Variants in LARP4B observed in about 807,000 individuals in gnomAD.
LARP4B encodes the protein la-related protein 4B.
Under a neutral mutation model 89.8 loss-of-function variants are expected in LARP4B, and 12 were observed. The ratio of observed to expected loss-of-function variants is 0.13; its 90% confidence interval spans 0.09 to 0.22. The LOEUF (loss-of-function observed/expected upper bound fraction) is 0.22. LARP4B is among the 10% of genes least tolerant of loss of function. The probability of loss-of-function intolerance (pLI) is 1.00; values close to 1 mark genes in which losing one functional copy is unlikely to be tolerated. For synonymous variants in LARP4B, 367 were observed against 363.3 expected (o/e 1.01, Z -0.12); for missense variants, 757 against 947.7 (o/e 0.80, Z 2.64).
At chr10:893,149 T>G (rs959426916) in intron 1 of LARP4B, among the ~76,000 whole-genome samples, 1 of 148,680 alleles carries the variant, frequency 6.7e-6, no homozygotes, top group African/African-American at 2.5e-5. Flanking sequence ...CCTGACCTCA[T>G]GTGATCCACC....
intron 3 of LARP4B, among the ~76,000 whole-genome samples, chr10:864,505 A>G (rs1421230020): frequency 2.0e-5 from 3 of 151,992 alleles, no homozygotes; most frequent in Admixed American, 6.6e-5. Context: ...AGGCTTGCAG[A>G]GATGGGGAAG....
intron 7 of LARP4B, among the ~76,000 whole-genome samples, chr10:839,002 A>C (rs1833377992): frequency 6.6e-6 from 1 of 152,246 alleles, no homozygotes; most frequent in Non-Finnish European, 1.5e-5. Flanking sequence ...AAGTGAAAGA[A>C]GCCAATCTGA....
intron 1 of LARP4B, among the ~76,000 whole-genome samples, chr10:893,638 C>T (rs1054362847): frequency 2.0e-4 from 31 of 152,134 alleles, no homozygotes; most frequent in Admixed American, 1.6e-3. Context: ...TTCATCTACG[C>T]TTTTCCAGAG....
At chr10:911,963 C>T (rs570458621) in intron 1 of LARP4B, among the ~76,000 whole-genome samples, 1 of 152,284 alleles carries the variant, frequency 6.6e-6, no homozygotes, top group African/African-American at 2.4e-5. Context: ...GCAGTTTGAA[C>T]ACTTGGAGGT....
At chr10:901,826 G>A (rs1483976152) in intron 1 of LARP4B, among the ~76,000 whole-genome samples, 1 of 152,128 alleles carries the variant, frequency 6.6e-6, no homozygotes, top group Non-Finnish European at 1.5e-5. Flanking sequence ...AAACAGCAGT[G>A]AGAAAATGTG....
chr10:817,795 C>T lies in LARP4B; in HGVS notation c.1625G>A (p.Gly542Asp). 1 of 1,614,188 alleles carries T rather than the reference C, an allele frequency of 6.2e-7. No individual in the cohort carries two copies. The highest frequency in any genetic ancestry group is 8.5e-7 in the Non-Finnish European group (1 of 1,180,040). ...SSFPPLPGAA[G>D]NLKTEDLFEN... ...AAACAAGTCCTCTGTCTTCAAATTGCCGGCAGCTCCAGGTAATGGAGGGAA... is the reference window on the plus strand; with the variant it reads ...AAACAAGTCCTCTGTCTTCAAATTGTCGGCAGCTCCAGGTAATGGAGGGAA... The change falls in exon 15 of 18, where the codon GGC becomes GAC. Residue 542 changes from glycine (G) to aspartate (D), a missense_variant. By Grantham distance (94) the Gly-to-Asp change is moderately conservative. Coordinates refer to ENST00000316157, the MANE Select transcript of LARP4B (RefSeq NM_015155.3).
chr10:901,175 A>G (rs1836334452), intron 1 of LARP4B, among the ~76,000 whole-genome samples: 1 of 152,110 alleles, frequency 6.6e-6, no homozygotes. Context: ...TCGGCCTCCC[A>G]AAGTGCTGGG....
chr10:909,293 CAAAA>C (rs56787174), intron 1 of LARP4B, among the ~76,000 whole-genome samples: 2 of 80,860 alleles, frequency 2.5e-5, no homozygotes, highest in African/African-American at 1.1e-4. Context: ...GACTCCGTCT[CAAAA>C]AAAAAAAAAA....
intron 1 of LARP4B, among the ~76,000 whole-genome samples, chr10:910,610 G>A (rs1197983448): frequency 6.6e-6 from 1 of 152,210 alleles, no homozygotes; most frequent in African/African-American, 2.4e-5. Flanking sequence ...CTTTGGACAA[G>A]AGACTGGGGT....
chr10:873,554 G>A (rs1455730476), intron 3 of LARP4B: 1 of 322,930 alleles, frequency 3.1e-6, no homozygotes, highest in Non-Finnish European at 4.5e-6. Context: ...AAATAAAATA[G>A]TTCATAAATT....
rs1180309109 is a variant in LARP4B at position 827,689 on chromosome 10, G to C, written c.1125+1696C>G. On this transcript the variant is annotated intron_variant, in intron 11 of 17. Transcript: ENST00000316157. Reference sequence around the variant, plus strand: ...CCAGAACCCCAAGGATCCCCGAGAGGGTCAACCATGATTAAAGAAACGGAA... The same window carrying C: ...CCAGAACCCCAAGGATCCCCGAGAGCGTCAACCATGATTAAAGAAACGGAA... Among the ~76,000 whole-genome samples the C allele has an allele frequency of 4.6e-5, 7 of 152,030 alleles. No homozygotes were observed. In the East Asian group the frequency reaches 1.3e-3, roughly 29 times the overall value.
intron 6 of LARP4B, among the ~76,000 whole-genome samples, chr10:843,776 A>T (rs1461669227): frequency 2.6e-5 from 4 of 152,232 alleles, no homozygotes; most frequent in African/African-American, 9.6e-5. Context: ...TAAAAAGGCC[A>T]GGATAAGGTC....
chr10:966,770 C>T, the LARP4B span, among the ~76,000 whole-genome samples: 1 of 152,188 alleles, frequency 6.6e-6, no homozygotes, highest in Admixed American at 6.5e-5. Context: ...GGTGTGTTCT[C>T]TGGACCACAC....
At chr10:818,699 G>A (rs1466789758) in intron 14 of LARP4B, 1 of 152,212 alleles carries the variant, frequency 6.6e-6, no homozygotes, top group Non-Finnish European at 1.5e-5. Context: ...GCACAGAAAG[G>A]GGAAATGAGT....
At chr10:972,686 A>G in the LARP4B span, 122 of 457,154 alleles carry the variant, frequency 2.7e-4, no homozygotes, top group Non-Finnish European at 4.9e-4. Context: ...CTTGCTGAGA[A>G]TCAAACACTG....
the LARP4B span, among the ~76,000 whole-genome samples, chr10:938,252 CTTT>C: frequency 7.3e-5 from 9 of 123,418 alleles, no homozygotes; most frequent in Admixed American, 8.3e-5. Context: ...GGTTCTTTTT[CTTT>C]TTTTTTTTTT....
chr10:851,022 C>A (rs948878236), intron 5 of LARP4B, among the ~76,000 whole-genome samples: 4 of 151,892 alleles, frequency 2.6e-5, no homozygotes, highest in Admixed American at 2.6e-4. Flanking sequence ...ATAAGAAAGG[C>A]CTCATATTAA....
the LARP4B span, among the ~76,000 whole-genome samples, chr10:963,773 G>A: frequency 1.2e-4 from 18 of 152,312 alleles, no homozygotes; most frequent in South Asian, 2.1e-4. Flanking sequence ...CCTTCTTGAC[G>A]TGTCATGACA....
chr10:875,632 C>T (rs1474701329), intron 3 of LARP4B, among the ~76,000 whole-genome samples: 3 of 152,158 alleles, frequency 2.0e-5, no homozygotes, highest in African/African-American at 4.8e-5. Context: ...AGTCTCAAGT[C>T]GAGAGGCTGC....
Sources: allele counts gnomAD v4.1 joint callset (sites outside exome capture counted in the v4.1 genomes callset), GRCh38; gene constraint gnomAD v4.1.1; transcripts MANE v1.5; gene names NCBI Gene and HGNC (gene_info 2026-07-23, HGNC 2026-07-21).